Variants in ATXN1 observed in about 807,000 individuals in gnomAD.
ATXN1 encodes the protein ataxin 1, also known as ataxin-1.
A neutral mutation model predicts 56.4 loss-of-function variants in ATXN1; 8 were observed. The ratio of observed to expected loss-of-function variants is 0.14; its 90% CI spans 0.08 to 0.26. The LOEUF (loss-of-function observed/expected upper bound fraction) is 0.26. ATXN1 is among the 10% of genes least tolerant of loss of function. The probability of loss-of-function intolerance (pLI) is 1.00; values close to 1 mark genes in which losing one functional copy is unlikely to be tolerated. For synonymous variants in ATXN1, 514 were observed against 494.6 expected, an observed-to-expected ratio of 1.04 and a Z score of -0.52; for missense variants, 987 against 1,106.5, an observed-to-expected ratio of 0.89 and a Z score of 1.53.
At chr6:16,331,420 T>C (rs1760989283) in intron 6 of ATXN1, among the ~76,000 whole-genome samples, 1 of 152,206 alleles carries the variant, frequency 6.6e-6, no homozygotes, top group Non-Finnish European at 1.5e-5. Flanking sequence ...AGAAAGGGAA[T>C]GCCAAACGCT....
At chr6:16,686,739 C>T (rs185968580) in intron 2 of ATXN1, among the ~76,000 whole-genome samples, 3 of 152,210 alleles carry the variant, frequency 2.0e-5, no homozygotes, top group Admixed American at 2.0e-4. Flanking sequence ...TTAAGTATAA[C>T]CTCTCTACAC....
intron 6 of ATXN1, among the ~76,000 whole-genome samples, chr6:16,338,772 A>G (rs1195784856): frequency 2.0e-5 from 3 of 152,154 alleles, no homozygotes; most frequent in African/African-American, 7.2e-5. Flanking sequence ...CAAACTATCA[A>G]TTCTTTCAAA....
chr6:16,757,906 C>T (rs1760938457), intron 1 of ATXN1, among the ~76,000 whole-genome samples: 1 of 152,160 alleles, frequency 6.6e-6, no homozygotes, highest in Non-Finnish European at 1.5e-5. Context: ...AATGCAAAGA[C>T]TAGAATACTG....
At chr6:16,475,871 C>CTTTTT in intron 6 of ATXN1, among the ~76,000 whole-genome samples, 1 of 139,190 alleles carries the variant, frequency 7.2e-6, no homozygotes, top group South Asian at 2.3e-4. Flanking sequence ...TTAGTCATTA[C>CTTTTT]TTTTTTTTTT....
At chr6:16,544,728 C>G (rs1273191769) in intron 4 of ATXN1, among the ~76,000 whole-genome samples, 1 of 152,152 alleles carries the variant, frequency 6.6e-6, no homozygotes, top group Non-Finnish European at 1.5e-5. Context: ...AGGCTTTCCT[C>G]CTTGCCTGCA....
chr6:16,374,651 G>C (rs1442079332), intron 6 of ATXN1, among the ~76,000 whole-genome samples: 1 of 152,210 alleles, frequency 6.6e-6, no homozygotes, highest in Non-Finnish European at 1.5e-5. Context: ...GGACACCTGT[G>C]AGCATCGTGA....
rs141758316 is a variant in ATXN1, at chr6:16,661,905, G to A, written c.-614-4004C>T. Among the ~76,000 whole-genome samples, 1,269 of 152,176 alleles carry A rather than the reference G, an allele frequency of 8.3e-3. 9 individuals carry two copies. Among genetic ancestry groups the A allele is most frequent in the Non-Finnish European group, 0.015 (994 of 68,006 alleles). On this transcript the variant is annotated intron_variant, in intron 2 of 7. Coordinates refer to ENST00000436367, the MANE Select transcript of ATXN1 (RefSeq NM_001128164.2). Reference sequence around the variant, plus strand: ...TTGACTACAACCTCATGAAAGACTTGGAGCTAGAGACACCCAGCTATGATA... The same window carrying A: ...TTGACTACAACCTCATGAAAGACTTAGAGCTAGAGACACCCAGCTATGATA...
chr6:16,611,707 C>T (rs1178404124), intron 3 of ATXN1, among the ~76,000 whole-genome samples: 4 of 151,696 alleles, frequency 2.6e-5, no homozygotes, highest in Non-Finnish European at 5.9e-5. Context: ...AGATACATTC[C>T]AAAGAATTAA....
chr6:16,481,357 A>T (rs1760434944), intron 6 of ATXN1, among the ~76,000 whole-genome samples: 1 of 152,122 alleles, frequency 6.6e-6, no homozygotes, highest in Non-Finnish European at 1.5e-5. Context: ...ACACAGAGGG[A>T]AATTCCCAGA....
chr6:16,608,302 G>A (rs1388631681), intron 3 of ATXN1, among the ~76,000 whole-genome samples: 1 of 152,138 alleles, frequency 6.6e-6, no homozygotes, highest in East Asian at 1.9e-4. Flanking sequence ...CATTGCAGCT[G>A]GACCAGTGAG....
In ATXN1 at chr6:16,613,259, G is replaced by A. The variant is rs1345241896; in HGVS notation, c.-488-27352C>T. Among the ~76,000 whole-genome samples, 6 of 114,636 alleles carry A rather than the reference G, an allele frequency of 5.2e-5. No individual in the cohort carries two copies. In the South Asian group the frequency reaches 8.7e-4, roughly 17 times the overall value. 75.2% of individuals were successfully genotyped at this position (114,636 alleles called of 152,430 possible). ...CGCAGTCCGGCCTGGGCGACAGAGCGAGACTCCGTCTCAAAAAAAAAAAAA... is the reference window on the plus strand; with the variant it reads ...CGCAGTCCGGCCTGGGCGACAGAGCAAGACTCCGTCTCAAAAAAAAAAAAA... On this transcript the variant is annotated intron_variant, in intron 3 of 7. Coordinates refer to ENST00000436367, the MANE Select transcript of ATXN1 (RefSeq NM_001128164.2).
intron 4 of ATXN1, among the ~76,000 whole-genome samples, chr6:16,543,409 A>T (rs1304655000): frequency 6.6e-6 from 1 of 152,188 alleles, no homozygotes; most frequent in Non-Finnish European, 1.5e-5. Flanking sequence ...GTGTATTTTT[A>T]AAATAGTAAA....
At chr6:16,756,932 A>G (rs890219044) in intron 1 of ATXN1, among the ~76,000 whole-genome samples, 15 of 152,348 alleles carry the variant, frequency 9.8e-5, no homozygotes, top group African/African-American at 3.4e-4. Flanking sequence ...AGTAAAATCC[A>G]CTTGACATTT....
chr6:16,743,152 C>G (rs1169555651), intron 2 of ATXN1, among the ~76,000 whole-genome samples: 1 of 152,168 alleles, frequency 6.6e-6, no homozygotes, highest in Non-Finnish European at 1.5e-5. Flanking sequence ...CTTAGACGTT[C>G]AAAAACAAAA....
At chr6:16,696,357 T>C (rs957406270) in intron 2 of ATXN1, among the ~76,000 whole-genome samples, 1 of 152,200 alleles carries the variant, frequency 6.6e-6, no homozygotes, top group Admixed American at 6.5e-5. Flanking sequence ...ATCAGGACGC[T>C]ACTATGTCGA....
intron 6 of ATXN1, among the ~76,000 whole-genome samples, chr6:16,397,441 T>C (rs1218989008): frequency 2.0e-5 from 3 of 152,094 alleles, no homozygotes; most frequent in Non-Finnish European, 4.4e-5. Flanking sequence ...TATTTATATT[T>C]TTAGTAGAGA....
intron 2 of ATXN1, among the ~76,000 whole-genome samples, chr6:16,683,769 T>TTGCTCTGCCGCCACCATGGG (rs1410975713): frequency 1.3e-5 from 2 of 152,202 alleles, no homozygotes; most frequent in Non-Finnish European, 2.9e-5. Flanking sequence ...TCCTGGCAAA[T>TTGCTCTGCCGCCACCATGGG]TGCTCTGCCG....
intron 3 of ATXN1, among the ~76,000 whole-genome samples, chr6:16,599,153 A>G (rs898720680): frequency 2.4e-4 from 37 of 152,204 alleles, no homozygotes; most frequent in African/African-American, 8.9e-4. Flanking sequence ...TTCTTTTCCT[A>G]TGCATCAGTA....
chr6:16,523,784 C>A (rs952895477), intron 4 of ATXN1, among the ~76,000 whole-genome samples: 5 of 152,106 alleles, frequency 3.3e-5, no homozygotes, highest in African/African-American at 1.2e-4. Flanking sequence ...ACGGGCCAAA[C>A]AAAGTGTGGG....
Sources: allele counts gnomAD v4.1 joint callset (sites outside exome capture counted in the v4.1 genomes callset), GRCh38; gene constraint gnomAD v4.1.1; transcripts MANE v1.5; gene names NCBI Gene and HGNC (gene_info 2026-07-23, HGNC 2026-07-21).